The following GABRB2 variants were observed in gnomAD, a reference collection of about 807,000 sequenced individuals.
GABRB2 encodes the protein gamma-aminobutyric acid type A receptor subunit beta2.
A neutral mutation model predicts 54.7 loss-of-function variants in GABRB2; 16 were observed. The observed-to-expected ratio is 0.29, with a 90% CI of 0.20 to 0.44. The LOEUF is 0.44. Ranked by LOEUF, GABRB2 falls within the 20% of genes least tolerant of loss-of-function variation. GABRB2 has a pLI of 1.00. For missense variants in GABRB2, 355 were observed against 644.0 expected (o/e 0.55, Z 4.86); for synonymous variants, 244 against 233.8 (o/e 1.04, Z -0.40).
intron 3 of GABRB2, among the ~76,000 whole-genome samples, chr5:161,514,475 A>G (rs62381583): frequency 0.2 from 31,147 of 152,122 alleles, 3,639 homozygotes; most frequent in Non-Finnish European, 0.27. Flanking sequence ...TTTATCTCCC[A>G]GATATAGTGT....
At chr5:161,438,669 C>G (rs1319729675) in intron 4 of GABRB2, among the ~76,000 whole-genome samples, 1 of 151,914 alleles carries the variant, frequency 6.6e-6, no homozygotes, top group East Asian at 1.9e-4. Flanking sequence ...AGAAGAAGTT[C>G]AGAACTCTAT....
chr5:161,425,811 G>A (rs1756982160), intron 4 of GABRB2, among the ~76,000 whole-genome samples: 1 of 151,996 alleles, frequency 6.6e-6, no homozygotes, highest in Admixed American at 6.6e-5. Context: ...TAGAAATAAT[G>A]GGGTACCATC....
intron 3 of GABRB2, among the ~76,000 whole-genome samples, chr5:161,471,130 T>C (rs1266066857): frequency 2.0e-5 from 3 of 152,122 alleles, no homozygotes; most frequent in African/African-American, 7.2e-5. Flanking sequence ...CAGTGTTTCA[T>C]AGCTGCTCCA....
chr5:161,516,742 T>G (rs1759963199), intron 3 of GABRB2, among the ~76,000 whole-genome samples: 1 of 152,230 alleles, frequency 6.6e-6, no homozygotes, highest in Admixed American at 6.5e-5. Flanking sequence ...ACTGAGAAGA[T>G]GAATTTATTT....
At chr5:161,474,336 C>T (rs1758532820) in intron 3 of GABRB2, among the ~76,000 whole-genome samples, 1 of 151,930 alleles carries the variant, frequency 6.6e-6, no homozygotes, top group African/African-American at 2.4e-5. Context: ...CAGTTTCCCT[C>T]AGAAATTGAC....
At chr5:161,312,000 G>C (rs1297860358) in intron 9 of GABRB2, among the ~76,000 whole-genome samples, 1 of 150,670 alleles carries the variant, frequency 6.6e-6, no homozygotes, top group Non-Finnish European at 1.5e-5. Context: ...AAGGGTAGAA[G>C]AGTTAATCAG....
chr5:161,413,744 T>A (rs1756586609), intron 4 of GABRB2, among the ~76,000 whole-genome samples: 1 of 152,116 alleles, frequency 6.6e-6, no homozygotes, highest in Non-Finnish European at 1.5e-5. Context: ...AAAATTAACC[T>A]CATCTGATAG....
At position 161,331,640 on chromosome 5, in the gene GABRB2, T is replaced by G. The variant is rs41298410; in HGVS notation, c.833-513A>C. Among the ~76,000 whole-genome samples the G allele has an allele frequency of 4.1e-3, 617 of 152,166 alleles. 7 individuals are homozygous for G. Among genetic ancestry groups the G allele is most frequent in the African/African-American group, 0.013 (549 of 41,516 alleles). ...GATTTGGGGGAGAGTACACAGTCCA[T>G]TACCATGATCTCGGAAAAATCATTG... On this transcript the variant is annotated intron_variant, in intron 7 of 9. Transcript: ENST00000393959.
chr5:161,369,122 T>G (rs548363188), intron 5 of GABRB2, among the ~76,000 whole-genome samples: 1 of 152,232 alleles, frequency 6.6e-6, no homozygotes, highest in Non-Finnish European at 1.5e-5. Flanking sequence ...TATCTTTGAA[T>G]TCTTTAGATC....
chr5:161,415,417 G>A (rs1184013710), intron 4 of GABRB2, among the ~76,000 whole-genome samples: 2 of 152,098 alleles, frequency 1.3e-5, no homozygotes, highest in African/African-American at 4.8e-5. Context: ...GAATTGTATC[G>A]TAAAATATTA....
rs186328174 is a variant in GABRB2 at position 161,325,306 on chromosome 5, A to G, written c.1191+1062T>C. On this transcript the variant is annotated intron_variant, in intron 9 of 9. Transcript: ENST00000393959. ...GTGATGGAATGTTTAGGGGATTGGA[A>G]CAAAAAATAGTGATTAACAAAATTT... Among the ~76,000 whole-genome samples the G allele has an allele frequency of 3.3e-5, 5 of 152,278 alleles. No individual in the cohort carries two copies. The East Asian group carries it at 9.6e-4, about 29-fold the overall frequency.
chr5:161,329,213 T>A (rs1463936376), intron 8 of GABRB2, among the ~76,000 whole-genome samples: 5 of 152,222 alleles, frequency 3.3e-5, no homozygotes, highest in Non-Finnish European at 4.4e-5. Flanking sequence ...TTAGACTCAT[T>A]TTGAAGTCCT....
chr5:161,371,342 A>C (rs555714114), intron 5 of GABRB2, among the ~76,000 whole-genome samples: 119 of 152,346 alleles, frequency 7.8e-4, no homozygotes, highest in African/African-American at 2.8e-3. Context: ...ACATGTATGT[A>C]TATCTGTATG....
chr5:161,547,679 A>T (rs895518876), upstream of GABRB2, among the ~76,000 whole-genome samples: 1 of 151,600 alleles, frequency 6.6e-6, no homozygotes, highest in Non-Finnish European at 1.5e-5. Context: ...CATGAGGGGG[A>T]GATGGGACGT....
At chr5:161,422,844 G>A (rs1756887221) in intron 4 of GABRB2, among the ~76,000 whole-genome samples, 3 of 152,130 alleles carry the variant, frequency 2.0e-5, no homozygotes, top group South Asian at 2.1e-4. Context: ...TAAACTGCAT[G>A]TGCCATTTAA....
intron 9 of GABRB2, among the ~76,000 whole-genome samples, chr5:161,310,794 G>A (rs2113363774): frequency 1.4e-5 from 2 of 140,634 alleles, no homozygotes; most frequent in South Asian, 2.2e-4. Flanking sequence ...ATGGAGTCTC[G>A]CTCTGTCGCC....
chr5:161,507,635 C>G (rs140179800), intron 3 of GABRB2, among the ~76,000 whole-genome samples: 1 of 151,966 alleles, frequency 6.6e-6, no homozygotes, highest in Admixed American at 6.6e-5. Flanking sequence ...AATGTATACA[C>G]AACTGCTACA....
intron 4 of GABRB2, among the ~76,000 whole-genome samples, chr5:161,423,832 G>A (rs780499221): frequency 8.5e-5 from 13 of 152,122 alleles, no homozygotes; most frequent in Admixed American, 2.6e-4. Context: ...GCCATGTTAT[G>A]AACGCAAAAC....
intron 5 of GABRB2, among the ~76,000 whole-genome samples, chr5:161,362,195 G>T (rs1169629274): frequency 1.3e-5 from 2 of 152,118 alleles, no homozygotes; most frequent in South Asian, 4.1e-4. Flanking sequence ...AGCATAATTT[G>T]AAGTCAGGTA....
Sources: allele counts gnomAD v4.1 joint callset (sites outside exome capture counted in the v4.1 genomes callset), GRCh38; gene constraint gnomAD v4.1.1; transcripts MANE v1.5; gene names NCBI Gene and HGNC (gene_info 2026-07-23, HGNC 2026-07-21).